The following SMG1 variants were observed in gnomAD, a reference collection of about 807,000 sequenced individuals.
SMG1 encodes serine/threonine-protein kinase SMG1.
In SMG1, 22 loss-of-function variants were observed where a neutral mutation model predicts 419.9. The observed-to-expected ratio is 0.05, with a 90% CI of 0.04 to 0.07. The LOEUF is 0.07. Among genes scored for constraint, SMG1 ranks in the 10% least tolerant of loss-of-function variants. The probability of loss-of-function intolerance (pLI) is 1.00; values close to 1 mark genes in which losing one functional copy is unlikely to be tolerated. For synonymous variants in SMG1, 1,538 were observed against 1,553.5 expected (o/e 0.99, Z 0.23); for missense variants, 3,185 against 4,342.0 (o/e 0.73, Z 7.49).
intron 39 of SMG1, among the ~76,000 whole-genome samples, chr16:18,842,927 G>A (rs2034009396): frequency 6.6e-6 from 1 of 152,190 alleles, no homozygotes; most frequent in African/African-American, 2.4e-5. Context: ...CATCCTGGAT[G>A]GGTTAACGCT....
At chr16:18,869,832 A>G (rs1567399170) in intron 19 of SMG1, 22 bp downstream of exon 19, 3 of 1,577,590 alleles carry the variant, frequency 1.9e-6, no homozygotes, top group East Asian at 2.2e-5. Flanking sequence ...TCCCAGATAA[A>G]AGAGTCAAAG....
intron 56 of SMG1, 91 bp downstream of exon 56, chr16:18,819,411 A>C: frequency 1.4e-6 from 2 of 1,417,796 alleles, no homozygotes; most frequent in Middle Eastern, 2.2e-4. Flanking sequence ...GTGGGCTCTC[A>C]AGCTCCCCTA....
chr16:18,811,875 G>A lies in SMG1; in HGVS notation c.10802-8C>T. 1.9e-6 allele frequency: 3 copies of A among 1,613,550 alleles called. No homozygotes were observed. The highest frequency in any genetic ancestry group is 2.2e-5 in the South Asian group (2 of 90,988). On this transcript the variant is annotated splice_region_variant and splice_polypyrimidine_tract_variant and intron_variant, in intron 61 of 62. Transcript: ENST00000446231. The stretch of plus-strand genomic sequence containing the variant: ...AGTTTCTCTCTTGCACCGCTATGAA[G>A]CAACAAAAACATACGTAAGTCAAAC...
intron 1 of SMG1, among the ~76,000 whole-genome samples, chr16:18,916,723 A>AT (rs1284207263): frequency 1.3e-5 from 2 of 152,124 alleles, no homozygotes; most frequent in East Asian, 3.9e-4. Flanking sequence ...AGTATGTTTC[A>AT]TTTTATAGTT....
chr16:18,818,076 G>C (rs1204279398), intron 56 of SMG1, among the ~76,000 whole-genome samples: 1 of 91,996 alleles, frequency 1.1e-5, no homozygotes, highest in African/African-American at 6.6e-5. Flanking sequence ...ACCATGCCTA[G>C]CTAAAAAAAA....
intron 1 of SMG1, among the ~76,000 whole-genome samples, chr16:18,906,019 C>A (rs1024853526): frequency 6.6e-6 from 1 of 152,162 alleles, no homozygotes; most frequent in Non-Finnish European, 1.5e-5. Context: ...TCTGGTAAAA[C>A]CCCAGTCCTG....
chr16:18,815,632 G>A lies in SMG1; in HGVS notation c.10322C>T (p.Ala3441Val). The change falls in exon 59 of 63, where the codon GCA becomes GTA. Residue 3441 changes from alanine (A) to valine (V), a missense_variant. This residue lies in a region of SMG1 where 737 missense variants were observed against 846.6 expected (regional missense o/e 0.87). Transcript: ENST00000446231. ...CTCATAGGGAACATCTTCACCATCT[G>A]CCAGAGCAGCTTCTTCATCCTAGAA... ...AMAKDEEAAL[A>V]DGEDVPYENS... 6.2e-7 allele frequency: 1 copy of A among 1,613,708 alleles called. No individual in the cohort carries two copies. Among genetic ancestry groups the A allele is most frequent in the Non-Finnish European group, 8.5e-7 (1 of 1,179,742 alleles).
chr16:18,871,491 C>G lies in SMG1; in HGVS notation c.2184-9G>C. 6.8e-7 allele frequency: 1 copy of G among 1,477,710 alleles called. No homozygotes were observed. The highest frequency in any genetic ancestry group is 9.2e-7 in the Non-Finnish European group (1 of 1,082,616). The allele number at this position is 1,477,710 out of a possible 1,614,324, so 91.5% of individuals were successfully genotyped here. On this transcript the variant is annotated splice_polypyrimidine_tract_variant and intron_variant, in intron 15 of 62. Coordinates refer to ENST00000446231, the MANE Select transcript of SMG1 (RefSeq NM_015092.5). ...AAGTCATTAACAGTTTCCTGAAACA[C>G]AAAATATACAGTTGACTGTACATTA...
In SMG1 at chr16:18,812,010, C is replaced by T. The variant is rs780767562; in HGVS notation, c.10739G>A (p.Gly3580Glu). 19 of 1,613,876 alleles carry T rather than the reference C, an allele frequency of 1.2e-5. No individual in the cohort carries two copies. The Admixed American group carries it at 2.8e-4, about 24-fold the overall frequency. The change falls in exon 61 of 63, where the codon GGA becomes GAA. Residue 3580 changes from glycine to glutamate, a missense_variant. This residue lies in a region of SMG1 where 737 missense variants were observed against 846.6 expected (regional missense o/e 0.87). Coordinates refer to ENST00000446231, the MANE Select transcript of SMG1 (RefSeq NM_015092.5). ...ACTACAAGCAACACTCTTGCCAGTT[C>T]CTGGAACGGTGCTTGGTGGAGTATC... Reference protein sequence around the residue: ...SADTPPSTVPGTGKSVACSPK... With the variant: ...SADTPPSTVPETGKSVACSPK...
In SMG1 at chr16:18,842,384, G is replaced by C. The variant is rs1274898527; in HGVS notation, c.6290C>G (p.Pro2097Arg). 6.2e-7 allele frequency: 1 copy of C among 1,613,880 alleles called. No individual in the cohort carries two copies. The highest frequency in any genetic ancestry group is 1.1e-5 in the South Asian group (1 of 91,074). The part of the protein sequence containing the change: ...SYILRLEEIS[P>R]WLAAMTNTEI... Reference sequence around the variant, plus strand: ...AGTGTTAGTCATGGCAGCCAACCATGGACTGATTTCTTCAAGACGCAAGAT... The same window carrying C: ...AGTGTTAGTCATGGCAGCCAACCATCGACTGATTTCTTCAAGACGCAAGAT... Residue 2097 changes from proline (P) to arginine (R), a missense_variant, in exon 40 of 63, where the codon CCA becomes CGA. Physicochemically the swap from Pro to Arg is moderately radical, Grantham distance 103. Coordinates refer to ENST00000446231, the MANE Select transcript of SMG1 (RefSeq NM_015092.5).
intron 1 of SMG1, among the ~76,000 whole-genome samples, chr16:18,906,165 A>G (rs966405360): frequency 2.0e-5 from 3 of 148,350 alleles, no homozygotes; most frequent in Non-Finnish European, 3.0e-5. Flanking sequence ...CCCTCCCCAT[A>G]CACACATTCT....
intron 29 of SMG1, chr16:18,856,989 T>TA (rs2034951189): frequency 6.6e-6 from 1 of 152,274 alleles, no homozygotes; most frequent in Admixed American, 6.5e-5. Flanking sequence ...ATATAATCCT[T>TA]ACAAGTATCT....
At chr16:18,838,792 C>T (rs2033738099) in intron 42 of SMG1, 103 bp from the exon 43 acceptor site, 3 of 756,566 alleles carry the variant, frequency 4.0e-6, no homozygotes, top group East Asian at 2.5e-5. Context: ...TTAACCTACT[C>T]CCTTATTTTA....
At chr16:18,904,955 A>G (rs957724247) in intron 1 of SMG1, among the ~76,000 whole-genome samples, 5 of 149,616 alleles carry the variant, frequency 3.3e-5, no homozygotes, top group African/African-American at 9.9e-5. Flanking sequence ...TAATAATAAA[A>G]TAAATCTAAA....
At position 18,854,681 on chromosome 16, in the gene SMG1, T is replaced by C. The variant is rs1200621581; in HGVS notation, c.4458A>G (p.Glu1486=). The C allele has an allele frequency of 1.9e-6, 3 of 1,613,752 alleles. No homozygotes were observed. The highest frequency in any genetic ancestry group is 1.7e-5 in the Admixed American group (1 of 59,952). Residue 1486 remains glutamate (E), a synonymous_variant, in exon 30 of 63, where the codon GAA becomes GAG. Transcript: ENST00000446231. ...CTGCTGTATAAAGCAATTTGGTTTT[T>C]TCAATATCAAGTTCGGGCCCCCATT... ...DEKWGPELDI[E]KTKLLYTAGQ...
chr16:18,878,626 G>T (rs1276237687), intron 11 of SMG1: 2 of 149,518 alleles, frequency 1.3e-5, no homozygotes, highest in Non-Finnish European at 3.0e-5. Flanking sequence ...AAAAAGAAAA[G>T]AAAAGAAAAA....
intron 55 of SMG1, among the ~76,000 whole-genome samples, chr16:18,820,234 G>A (rs1053541144): frequency 6.6e-6 from 1 of 152,054 alleles, no homozygotes; most frequent in Non-Finnish European, 1.5e-5. Context: ...AAAGTGCTGG[G>A]ATTACAGGTG....
rs2033727138 is a variant in SMG1 at position 18,838,642 on chromosome 16, A to T, written c.6993T>A (p.Ile2331=). 6.2e-7 allele frequency: 1 copy of T among 1,613,336 alleles called. No homozygotes were observed. Among genetic ancestry groups the T allele is most frequent in the East Asian group, 2.2e-5 (1 of 44,860 alleles). The stretch of plus-strand genomic sequence containing the variant: ...TATCCAGATGTCTGTCTCCAAGGCC[A>T]ATTATGTATCCAACCATAGACATGA... ...TAVMSMVGYI[I]GLGDRHLDNV... is the part of the protein sequence containing the mutation. The change falls in exon 43 of 63, where the codon ATT becomes ATA. Residue 2331 remains isoleucine, a synonymous_variant. Transcript: ENST00000446231.
chr16:18,834,757 C>G (rs2033446564), intron 49 of SMG1, 135 bp downstream of exon 49: 6 of 1,015,356 alleles, frequency 5.9e-6, no homozygotes, highest in Non-Finnish European at 8.7e-6. Context: ...AAAACACAAC[C>G]AAGATAACTA....
Sources: gnomAD v4.1 joint callset for allele counts (sites outside exome capture counted in the v4.1 genomes callset) on GRCh38, gnomAD v4.1.1 for gene constraint, gnomAD v4.1.1 regional missense constraint, MANE v1.5 for transcripts, NCBI Gene and HGNC (gene_info 2026-07-23, HGNC 2026-07-21) for gene names.